The following STK17A variants were observed in gnomAD, a reference collection of about 807,000 sequenced individuals.
STK17A encodes serine/threonine kinase 17a.
In STK17A, 26 loss-of-function variants were observed where a neutral mutation model predicts 43.7. That is an observed-to-expected ratio of 0.60 (90% CI 0.44 to 0.83). STK17A has a LOEUF of 0.83. Ranked by LOEUF, STK17A falls within the 40% of genes least tolerant of loss-of-function variation. The pLI, the probability that STK17A is intolerant of heterozygous loss-of-function variation, is 0.00. For missense variants in STK17A, 476 were observed against 511.6 expected, an observed-to-expected ratio of 0.93 and a Z score of 0.67; for synonymous variants, 191 against 182.5, an observed-to-expected ratio of 1.05 and a Z score of -0.38.
At chr7:43,612,645 G>T (rs2082980372) in intron 3 of STK17A, among the ~76,000 whole-genome samples, 1 of 152,202 alleles carries the variant, frequency 6.6e-6, no homozygotes, top group South Asian at 2.1e-4. Context: ...AAGTTAGTTG[G>T]AAGTTAAAAC....
intron 1 of STK17A, 57 bp downstream of exon 1, chr7:43,583,506 G>C: frequency 8.1e-7 from 1 of 1,241,474 alleles, no homozygotes; most frequent in Non-Finnish European, 1.0e-6. Flanking sequence ...GCGGGACGTG[G>C]GCGCCGATAA....
chr7:43,586,980 A>T (rs899407646), intron 1 of STK17A, among the ~76,000 whole-genome samples: 4 of 151,244 alleles, frequency 2.6e-5, no homozygotes, highest in Non-Finnish European at 5.9e-5. Flanking sequence ...TTCAGATGAG[A>T]AAACAAAGAC....
At chr7:43,615,406 A>G (rs900509906) in intron 3 of STK17A, among the ~76,000 whole-genome samples, 2 of 152,006 alleles carry the variant, frequency 1.3e-5, no homozygotes, top group Admixed American at 1.3e-4. Flanking sequence ...CGAACTCCTA[A>G]GCTCAAACAA....
intron 2 of STK17A, among the ~76,000 whole-genome samples, chr7:43,598,940 AT>A (rs2082539101): frequency 6.6e-6 from 1 of 151,536 alleles, no homozygotes; most frequent in Non-Finnish European, 1.5e-5. Flanking sequence ...TTTTTTTGTA[AT>A]TTTAGTAGAG....
chr7:43,603,099 C>T (rs1237892332), intron 2 of STK17A, among the ~76,000 whole-genome samples: 1 of 152,198 alleles, frequency 6.6e-6, no homozygotes, highest in African/African-American at 2.4e-5. Context: ...CTCAGCTGGT[C>T]ACCCTGGTTT....
At chr7:43,596,391 T>TA (rs1381521439) in intron 2 of STK17A, among the ~76,000 whole-genome samples, 11 of 152,220 alleles carry the variant, frequency 7.2e-5, no homozygotes, top group Admixed American at 3.9e-4. Context: ...AACAAAGTAA[T>TA]ACCAAACTAA....
chr7:43,597,457 C>T (rs925658925), intron 2 of STK17A, among the ~76,000 whole-genome samples: 1 of 151,904 alleles, frequency 6.6e-6, no homozygotes, highest in Non-Finnish European at 1.5e-5. Context: ...GGCACAATCT[C>T]GGCTTACTGC....
intron 3 of STK17A, among the ~76,000 whole-genome samples, chr7:43,614,140 T>C (rs1049013506): frequency 2.0e-5 from 3 of 152,220 alleles, no homozygotes; most frequent in Non-Finnish European, 2.9e-5. Flanking sequence ...TAACCTCAAC[T>C]TTACAATGAT....
At chr7:43,616,854 G>A (rs1386304112) in intron 3 of STK17A, among the ~76,000 whole-genome samples, 2 of 152,136 alleles carry the variant, frequency 1.3e-5, no homozygotes, top group Non-Finnish European at 2.9e-5. Context: ...CCGAGATCGC[G>A]CCACTGCACT....
intron 2 of STK17A, among the ~76,000 whole-genome samples, chr7:43,600,123 A>G (rs2082545394): frequency 6.6e-6 from 1 of 152,208 alleles, no homozygotes; most frequent in African/African-American, 2.4e-5. Context: ...GGTATTCTTT[A>G]ATCCAGTCAA....
chr7:43,593,080 A>G (rs1210908934), intron 1 of STK17A, among the ~76,000 whole-genome samples: 2 of 151,462 alleles, frequency 1.3e-5, no homozygotes, highest in Non-Finnish European at 2.9e-5. Context: ...CCCCCTTCCC[A>G]CTCTCTTACT....
intron 2 of STK17A, among the ~76,000 whole-genome samples, chr7:43,602,428 A>G (rs2082561809): frequency 6.6e-6 from 1 of 152,144 alleles, no homozygotes; most frequent in Non-Finnish European, 1.5e-5. Context: ...TCATGGGCCA[A>G]TACCCCATTC....
At chr7:43,596,719 T>C (rs1350579194) in intron 2 of STK17A, among the ~76,000 whole-genome samples, 1 of 151,652 alleles carries the variant, frequency 6.6e-6, no homozygotes, top group East Asian at 1.9e-4. Flanking sequence ...ATACAAAAAA[T>C]TAGCCTGGCG....
At chr7:43,594,726 C>G (rs1353032543) in intron 1 of STK17A, among the ~76,000 whole-genome samples, 2 of 151,546 alleles carry the variant, frequency 1.3e-5, no homozygotes, top group Non-Finnish European at 2.9e-5. Flanking sequence ...TTCTTAGAAC[C>G]CTGTGAAGTA....
intron 3 of STK17A, among the ~76,000 whole-genome samples, chr7:43,613,116 T>G (rs947217881): frequency 6.6e-6 from 1 of 152,184 alleles, no homozygotes; most frequent in South Asian, 2.1e-4. Context: ...GGTCTTAAAA[T>G]CTATTGCTCT....
chr7:43,614,326 G>A (rs1285842679), intron 3 of STK17A, among the ~76,000 whole-genome samples: 1 of 152,126 alleles, frequency 6.6e-6, no homozygotes. Flanking sequence ...GATTGACCTT[G>A]CTTCTTTCTC....
intron 1 of STK17A, among the ~76,000 whole-genome samples, chr7:43,594,541 G>A (rs1163754124): frequency 2.6e-5 from 4 of 152,090 alleles, no homozygotes; most frequent in Non-Finnish European, 5.9e-5. Context: ...TTGGCATTTG[G>A]TGTTAGGTAA....
intron 1 of STK17A, among the ~76,000 whole-genome samples, chr7:43,590,545 A>G (rs2082473121): frequency 6.6e-6 from 1 of 151,522 alleles, no homozygotes; most frequent in Non-Finnish European, 1.5e-5. Flanking sequence ...ATCCCAAAAT[A>G]TTTAATGAAA....
chr7:43,597,593 G>A (rs546394255), intron 2 of STK17A, among the ~76,000 whole-genome samples: 1 of 152,192 alleles, frequency 6.6e-6, no homozygotes, highest in African/African-American at 2.4e-5. Flanking sequence ...CACCGTGTTG[G>A]TGAGGCTGCT....
Sources: gnomAD v4.1 joint callset for allele counts (sites outside exome capture counted in the v4.1 genomes callset) on GRCh38, gnomAD v4.1.1 for gene constraint, MANE v1.5 for transcripts, NCBI Gene and HGNC (gene_info 2026-07-23, HGNC 2026-07-21) for gene names.